The following NRXN3 variants were observed in gnomAD, a reference collection of about 807,000 sequenced individuals.
NRXN3 encodes the protein neurexin 3.
Under a neutral mutation model 137.6 loss-of-function variants are expected in NRXN3, and 32 were observed. That is an observed-to-expected ratio of 0.23 (90% CI 0.18 to 0.31). The LOEUF (loss-of-function observed/expected upper bound fraction) is 0.31. Ranked by LOEUF, NRXN3 falls within the 10% of genes least tolerant of loss-of-function variation. NRXN3 has a pLI of 1.00. For synonymous variants in NRXN3, 798 were observed against 784.5 expected (o/e 1.02, Z -0.29); for missense variants, 1,574 against 2,062.5 (o/e 0.76, Z 4.59).
intron 8 of NRXN3, among the ~76,000 whole-genome samples, chr14:78,778,812 CTTT>C (rs2153021779): frequency 1.1e-5 from 1 of 90,422 alleles, no homozygotes; most frequent in Admixed American, 1.2e-4. Flanking sequence ...TTCTTTCTTT[CTTT>C]CTTTCTTTTC....
chr14:79,476,120 T>C (rs1276673086), intron 16 of NRXN3, among the ~76,000 whole-genome samples: 1 of 152,074 alleles, frequency 6.6e-6, no homozygotes, highest in Non-Finnish European at 1.5e-5. Flanking sequence ...AAATAACTCA[T>C]TGACTCCCTG....
chr14:79,129,169 C>G (rs1270369598), intron 15 of NRXN3, among the ~76,000 whole-genome samples: 3 of 151,990 alleles, frequency 2.0e-5, no homozygotes, highest in African/African-American at 7.3e-5. Flanking sequence ...TTTTGTGTCT[C>G]TATTTCCTTC....
Position 79,574,665 on chromosome 14 carries a change from T to TG in NRXN3, c.3445-89107dup, listed in dbSNP as rs1020222378. Among the ~76,000 whole-genome samples, 32 of 152,002 alleles carry TG rather than the reference T, an allele frequency of 2.1e-4. 1 individual carries two copies. The highest frequency in any genetic ancestry group is 3.5e-4 in the Non-Finnish European group (24 of 68,004). ...CTGGCTTTACCCAGGGTGAGTGGAC[T>TG]GGGGGGTTTGGGGAACAAACTAGGT... is the stretch of plus-strand genomic sequence containing the variant. On this transcript the variant is annotated intron_variant, in intron 16 of 20. Transcript: ENST00000335750.
At chr14:79,086,539 T>C (rs2048143797) in intron 15 of NRXN3, among the ~76,000 whole-genome samples, 1 of 152,122 alleles carries the variant, frequency 6.6e-6, no homozygotes, top group Non-Finnish European at 1.5e-5. Context: ...TAAATTAGCA[T>C]AGGTAACATA....
chr14:79,813,938 T>C, intron 20 of NRXN3, among the ~76,000 whole-genome samples: 1 of 152,208 alleles, frequency 6.6e-6, no homozygotes, highest in Non-Finnish European at 1.5e-5. Context: ...AGAATATTTG[T>C]TGTATCTTTT....
chr14:79,259,323 C>G (rs1014315035), intron 15 of NRXN3, among the ~76,000 whole-genome samples: 4 of 152,066 alleles, frequency 2.6e-5, no homozygotes, highest in Non-Finnish European at 5.9e-5. Flanking sequence ...CTTCTAAGCT[C>G]TATCTTCCAG....
intron 15 of NRXN3, among the ~76,000 whole-genome samples, chr14:79,191,363 C>T (rs1337926288): frequency 2.0e-5 from 3 of 152,088 alleles, no homozygotes; most frequent in South Asian, 4.1e-4. Flanking sequence ...TGTAGCAGTT[C>T]GTCTAATGGC....
At chr14:79,086,139 G>A (rs374656781) in intron 15 of NRXN3, among the ~76,000 whole-genome samples, 14 of 152,200 alleles carry the variant, frequency 9.2e-5, no homozygotes, top group African/African-American at 2.2e-4. Context: ...GAGAGCTTCC[G>A]GTAGGATGAC....
chr14:78,999,086 TC>T (rs949396666), intron 15 of NRXN3, among the ~76,000 whole-genome samples: 4 of 152,216 alleles, frequency 2.6e-5, no homozygotes, highest in African/African-American at 9.6e-5. Flanking sequence ...ACAAATGTTT[TC>T]AAACAAAGAA....
intron 4 of NRXN3, among the ~76,000 whole-genome samples, chr14:78,513,497 T>C (rs2096147366): frequency 6.6e-6 from 1 of 152,132 alleles, no homozygotes; most frequent in Admixed American, 6.5e-5. Context: ...TAATTATAGT[T>C]TTCGAAAGAC....
At chr14:79,006,268 G>T (rs1184724276) in intron 15 of NRXN3, among the ~76,000 whole-genome samples, 1 of 127,560 alleles carries the variant, frequency 7.8e-6, no homozygotes, top group Non-Finnish European at 1.5e-5. Flanking sequence ...TTTTGGGGAA[G>T]AATGAGCAAA....
At chr14:78,766,064 C>T (rs1156932621) in intron 8 of NRXN3, among the ~76,000 whole-genome samples, 1 of 152,144 alleles carries the variant, frequency 6.6e-6, no homozygotes, top group Non-Finnish European at 1.5e-5. Context: ...TCAGTTGGTG[C>T]CAGAGATAAC....
intron 4 of NRXN3, among the ~76,000 whole-genome samples, chr14:78,298,239 C>G (rs948294978): frequency 6.6e-6 from 1 of 152,232 alleles, no homozygotes; most frequent in Non-Finnish European, 1.5e-5. Context: ...GGCCCCATGC[C>G]GGGGCTCCAG....
At chr14:78,629,635 T>C (rs2097501247) in intron 4 of NRXN3, among the ~76,000 whole-genome samples, 1 of 152,214 alleles carries the variant, frequency 6.6e-6, no homozygotes, top group Admixed American at 6.5e-5. Flanking sequence ...ATTAGCTACT[T>C]ATAATACAGA....
intron 2 of NRXN3, among the ~76,000 whole-genome samples, chr14:78,251,318 T>G (rs1427779928): frequency 6.6e-6 from 1 of 152,244 alleles, no homozygotes; most frequent in Non-Finnish European, 1.5e-5. Context: ...TATTCCTTTG[T>G]GTGTGTGAGA....
At chr14:78,625,080 T>A (rs1314312557) in intron 4 of NRXN3, among the ~76,000 whole-genome samples, 1 of 152,126 alleles carries the variant, frequency 6.6e-6, no homozygotes, top group Non-Finnish European at 1.5e-5. Flanking sequence ...GACCTCAAGA[T>A]CCACCCGCCT....
rs528441752 is a variant in NRXN3 at position 79,538,762 on chromosome 14, T to C, written c.3444+71360T>C. Among the ~76,000 whole-genome samples the C allele has an allele frequency of 4.6e-5, 7 of 152,322 alleles. No individual in the cohort carries two copies. In the East Asian group the frequency reaches 1.4e-3, roughly 29 times the overall value. Reference sequence around the variant, plus strand: ...TAACACTGTTACTCTGGGTAGGTTATTTGGTCTGAGTGTCAGTCCCTCCTT... The same window carrying C: ...TAACACTGTTACTCTGGGTAGGTTACTTGGTCTGAGTGTCAGTCCCTCCTT... On this transcript the variant is annotated intron_variant, in intron 16 of 20. Coordinates refer to ENST00000335750, the MANE Select transcript of NRXN3 (RefSeq NM_001330195.2).
chr14:79,807,543 G>C (rs2099212907), intron 20 of NRXN3, among the ~76,000 whole-genome samples: 1 of 152,104 alleles, frequency 6.6e-6, no homozygotes, highest in African/African-American at 2.4e-5. Flanking sequence ...AAATCCATTT[G>C]TTTTCTAGAG....
At chr14:79,076,176 C>T (rs72687447) in intron 15 of NRXN3, among the ~76,000 whole-genome samples, 13,183 of 152,176 alleles carry the variant, frequency 0.087, 720 homozygotes, top group Non-Finnish European at 0.12. Context: ...CTATTGATTC[C>T]CAGCTCTTGA....
Sources: gnomAD v4.1 joint callset for allele counts (sites outside exome capture counted in the v4.1 genomes callset) on GRCh38, gnomAD v4.1.1 for gene constraint, MANE v1.5 for transcripts, NCBI Gene and HGNC (gene_info 2026-07-23, HGNC 2026-07-21) for gene names.